NIBAN1: variants seen among roughly 807,000 people sequenced by gnomAD.
The protein encoded by NIBAN1 is niban apoptosis regulator 1, also known as protein Niban 1.
Under a neutral mutation model 75.1 loss-of-function variants are expected in NIBAN1, and 81 were observed. That is an observed-to-expected ratio of 1.08 (90% confidence interval 0.90 to 1.30). NIBAN1 has a LOEUF of 1.30. Among genes scored for constraint, NIBAN1 ranks in the 50% most tolerant of loss-of-function variants. The probability of loss-of-function intolerance (pLI) is 0.00; values close to 1 mark genes in which losing one functional copy is unlikely to be tolerated. For missense variants in NIBAN1, 1,133 were observed against 1,128.1 expected (o/e 1.00, Z -0.06); for synonymous variants, 436 against 424.8 (o/e 1.03, Z -0.32).
intron 1 of NIBAN1, among the ~76,000 whole-genome samples, chr1:184,932,593 G>A (rs1571584477): frequency 6.6e-6 from 1 of 152,150 alleles, no homozygotes; most frequent in East Asian, 1.9e-4. Context: ...ATGAGGCCTG[G>A]TTCCTAACTG....
At chr1:184,837,332 A>G (rs770337146) in intron 5 of NIBAN1, among the ~76,000 whole-genome samples, 2 of 152,218 alleles carry the variant, frequency 1.3e-5, no homozygotes, top group Non-Finnish European at 2.9e-5. Flanking sequence ...CCAGCGTGCT[A>G]TAATTATGAG....
intron 5 of NIBAN1, among the ~76,000 whole-genome samples, chr1:184,833,671 T>C (rs973866025): frequency 3.3e-5 from 5 of 152,012 alleles, no homozygotes; most frequent in Admixed American, 2.6e-4. Context: ...AATTGCACCC[T>C]ATCCAGGGCA....
chr1:184,903,813 T>C (rs1657016913), intron 1 of NIBAN1, among the ~76,000 whole-genome samples: 1 of 141,552 alleles, frequency 7.1e-6, no homozygotes, highest in Non-Finnish European at 1.5e-5. Context: ...CACAGCTCAC[T>C]GCAGCCTTGA....
chr1:184,927,344 C>CT (rs1369005300), intron 1 of NIBAN1, among the ~76,000 whole-genome samples: 5 of 152,268 alleles, frequency 3.3e-5, no homozygotes, highest in Admixed American at 1.3e-4. Flanking sequence ...GTGTTGTAGT[C>CT]TAAGTTTTTG....
chr1:184,940,609 G>A (rs1658066699), intron 1 of NIBAN1, among the ~76,000 whole-genome samples: 1 of 152,108 alleles, frequency 6.6e-6, no homozygotes, highest in Admixed American at 6.5e-5. Flanking sequence ...TTTGGTAGTG[G>A]GCTAGGGGGA....
At chr1:184,829,326 T>C (rs1479481730) in intron 6 of NIBAN1, among the ~76,000 whole-genome samples, 2 of 152,160 alleles carry the variant, frequency 1.3e-5, no homozygotes, top group Non-Finnish European at 2.9e-5. Flanking sequence ...GTTTTCTATG[T>C]GTGTCTCGCC....
At chr1:184,957,451 T>C (rs902310206) in intron 1 of NIBAN1, among the ~76,000 whole-genome samples, 9 of 152,372 alleles carry the variant, frequency 5.9e-5, no homozygotes, top group African/African-American at 2.2e-4. Context: ...CAACACATTA[T>C]AATGCCATTG....
intron 1 of NIBAN1, among the ~76,000 whole-genome samples, chr1:184,956,051 C>T (rs1335899936): frequency 6.8e-6 from 1 of 146,336 alleles, no homozygotes; most frequent in African/African-American, 2.5e-5. Context: ...TTTTTAGAGC[C>T]AAATTCTCAC....
At chr1:184,841,779 T>C (rs1433536394) in intron 5 of NIBAN1, among the ~76,000 whole-genome samples, 4 of 152,210 alleles carry the variant, frequency 2.6e-5, no homozygotes, top group African/African-American at 9.6e-5. Context: ...AGAAAGGAAG[T>C]ACTCCATCTG....
chr1:184,795,241 T>A lies in NIBAN1; in HGVS notation c.2523A>T (p.Gln841His), dbSNP rs554870338. 1 of 1,613,656 alleles carries A rather than the reference T, an allele frequency of 6.2e-7. No homozygotes were observed. ...GGTCAGAACCTAAGGTGCAGCCCTC[T>A]TGCTGTGAGGCATCCCCTTCCTCGG... ...KCTEEGDASQQEGCTLGSDPI... is the reference protein window; with the variant it reads ...KCTEEGDASQHEGCTLGSDPI... The change falls in exon 14 of 14, where the codon CAA (glutamine) becomes CAT (histidine). Residue 841 changes from glutamine to histidine, a missense_variant. Coordinates refer to ENST00000367511, the MANE Select transcript of NIBAN1 (RefSeq NM_052966.4).
intron 1 of NIBAN1, among the ~76,000 whole-genome samples, chr1:184,961,800 G>A (rs554729325): frequency 3.5e-4 from 53 of 152,318 alleles, no homozygotes; most frequent in African/African-American, 1.1e-3. Flanking sequence ...AAGGCATCTG[G>A]GAAAGGCTTC....
At position 184,794,910 on chromosome 1, in the gene NIBAN1, AC is replaced by A; in HGVS notation, c.*66del. 1 of 1,596,930 alleles carries A rather than the reference AC, an allele frequency of 6.3e-7. No homozygotes were observed. The highest frequency in any genetic ancestry group is 8.5e-7 in the Non-Finnish European group (1 of 1,176,966). ...ATTTTTTGGTAACAGCTTGCATGCA[AC>A]CCCTAAGTGTACCCCTATAACCCTT... On this transcript the variant is annotated 3_prime_UTR_variant, in exon 14 of 14. Coordinates refer to ENST00000367511, the MANE Select transcript of NIBAN1 (RefSeq NM_052966.4).
At position 184,795,602 on chromosome 1, in the gene NIBAN1, T is replaced by TC. The variant is rs745865251; in HGVS notation, c.2161dup (p.Glu721GlyfsTer25). ...CACTGGAGCAGAGTCCACTGGTACT[T>TC]CCACGGACGCTGTCAGCAACTTTCT... On this transcript the variant is annotated frameshift_variant, in exon 14 of 14. Coordinates refer to ENST00000367511, the MANE Select transcript of NIBAN1 (RefSeq NM_052966.4). LOFTEE classifies it low-confidence loss of function (END_TRUNC). 1.9e-6 allele frequency: 3 copies of TC among 1,614,098 alleles called. No homozygotes were observed. The highest frequency in any genetic ancestry group is 2.5e-6 in the Non-Finnish European group (3 of 1,180,052).
chr1:184,935,853 T>C (rs557532835), intron 1 of NIBAN1, among the ~76,000 whole-genome samples: 5 of 151,336 alleles, frequency 3.3e-5, no homozygotes, highest in Non-Finnish European at 7.4e-5. Context: ...TCCAGGAACC[T>C]ACATAGCTGA....
intron 6 of NIBAN1, among the ~76,000 whole-genome samples, chr1:184,828,627 C>G (rs1336476994): frequency 6.6e-6 from 1 of 152,182 alleles, no homozygotes; most frequent in Non-Finnish European, 1.5e-5. Context: ...CCAGCTTCTC[C>G]AAGCCGGTTT....
intron 12 of NIBAN1, among the ~76,000 whole-genome samples, chr1:184,802,338 C>T (rs1332175020): frequency 6.6e-6 from 1 of 152,112 alleles, no homozygotes; most frequent in Non-Finnish European, 1.5e-5. Flanking sequence ...GAGAACTCTC[C>T]TTACCTTTCT....
At chr1:184,942,466 G>A (rs982988075) in intron 1 of NIBAN1, among the ~76,000 whole-genome samples, 1 of 152,208 alleles carries the variant, frequency 6.6e-6, no homozygotes, top group African/African-American at 2.4e-5. Flanking sequence ...GGCCGAAGCT[G>A]GCGGATCACG....
intron 1 of NIBAN1, among the ~76,000 whole-genome samples, chr1:184,953,570 T>G (rs1658410260): frequency 6.6e-6 from 1 of 152,256 alleles, no homozygotes; most frequent in Non-Finnish European, 1.5e-5. Flanking sequence ...ATGCTGAGTT[T>G]GGTTATCAGC....
intron 1 of NIBAN1, among the ~76,000 whole-genome samples, chr1:184,940,443 C>T (rs1658063779): frequency 6.6e-6 from 1 of 152,134 alleles, no homozygotes; most frequent in Non-Finnish European, 1.5e-5. Flanking sequence ...TTGTATAATA[C>T]CACAGACTTC....
Sources: gnomAD v4.1 joint callset for allele counts (sites outside exome capture counted in the v4.1 genomes callset) on GRCh38, gnomAD v4.1.1 for gene constraint, MANE v1.5 for transcripts, NCBI Gene and HGNC (gene_info 2026-07-23, HGNC 2026-07-21) for gene names.